SOX6: variants seen among roughly 807,000 people sequenced by gnomAD.
The protein encoded by SOX6 is transcription factor SOX-6.
In SOX6, 11 loss-of-function variants were observed where a neutral mutation model predicts 97.8. The observed-to-expected ratio is 0.11, with a 90% confidence interval of 0.07 to 0.19. The LOEUF (loss-of-function observed/expected upper bound fraction) is 0.19. Among genes scored for constraint, SOX6 ranks in the 10% least tolerant of loss-of-function variants. The pLI, the probability that SOX6 is intolerant of heterozygous loss-of-function variation, is 1.00. For missense variants in SOX6, 810 were observed against 1,039.5 expected, an observed-to-expected ratio of 0.78 and a Z score of 3.04; for synonymous variants, 360 against 371.4, an observed-to-expected ratio of 0.97 and a Z score of 0.35.
intron 3 of SOX6, among the ~76,000 whole-genome samples, chr11:16,299,259 G>A (rs149770838): frequency 5.3e-5 from 8 of 152,126 alleles, no homozygotes; most frequent in Admixed American, 1.3e-4. Context: ...TCTGCACTTC[G>A]TGTCTTTAAA....
chr11:16,048,291 A>G (rs1185947421), intron 11 of SOX6, among the ~76,000 whole-genome samples: 2 of 152,158 alleles, frequency 1.3e-5, no homozygotes, highest in Non-Finnish European at 2.9e-5. Context: ...GATATCACTA[A>G]CTTGGCATGA....
intron 4 of SOX6, among the ~76,000 whole-genome samples, chr11:16,583,585 ATATATATGTATATATGTG>A (rs1848050880): frequency 2.0e-5 from 2 of 102,000 alleles, no homozygotes; most frequent in Non-Finnish European, 3.7e-5. Context: ...TTGTGTATAT[ATATATATGTATATATGTG>A]TATATATATA....
intron 2 of SOX6, among the ~76,000 whole-genome samples, chr11:16,337,720 G>T (rs1856506057): frequency 6.6e-6 from 1 of 152,008 alleles, no homozygotes; most frequent in Non-Finnish European, 1.5e-5. Flanking sequence ...TCAACAATTT[G>T]GTGTGTATAA....
chr11:16,511,838 G>A (rs111408617), intron 4 of SOX6, among the ~76,000 whole-genome samples: 1 of 152,058 alleles, frequency 6.6e-6, no homozygotes, highest in Admixed American at 6.6e-5. Flanking sequence ...GTTTTTCTTA[G>A]AGCAGATGTC....
rs182206812 is a variant in SOX6, at chr11:16,134,493, T to A, written c.778-22570A>T. Among the ~76,000 whole-genome samples, 34 of 152,342 alleles carry A rather than the reference T, an allele frequency of 2.2e-4. 1 individual carries two copies. The highest frequency in any genetic ancestry group is 6.2e-4 in the South Asian group (3 of 4,832). On this transcript the variant is annotated intron_variant, in intron 6 of 15. Transcript: ENST00000683767. Reference sequence around the variant, plus strand: ...TTTATTGCACTTCACAGGTAATGTGTTTTTACAAATTGAAGGTTTGTGGCA... The same window carrying A: ...TTTATTGCACTTCACAGGTAATGTGATTTTACAAATTGAAGGTTTGTGGCA...
At chr11:16,590,026 C>G in intron 4 of SOX6, among the ~76,000 whole-genome samples, 1 of 152,196 alleles carries the variant, frequency 6.6e-6, no homozygotes, top group South Asian at 2.1e-4. Flanking sequence ...AATATGACAA[C>G]AAACGTAAAT....
chr11:16,647,043 C>T (rs1020658156), intron 3 of SOX6, among the ~76,000 whole-genome samples: 1 of 152,164 alleles, frequency 6.6e-6, no homozygotes, highest in Admixed American at 6.6e-5. Flanking sequence ...TCCACACCAA[C>T]ATTTATTATT....
intron 1 of SOX6, among the ~76,000 whole-genome samples, chr11:16,473,402 C>G (rs1207619390): frequency 6.6e-6 from 1 of 152,140 alleles, no homozygotes; most frequent in Non-Finnish European, 1.5e-5. Context: ...ATTAAAAATA[C>G]TTTATTGCTA....
In SOX6 at chr11:16,009,411, T is replaced by A. The variant is rs192528392; in HGVS notation, c.1732+5531A>T. On this transcript the variant is annotated intron_variant, in intron 13 of 15. Transcript: ENST00000683767. ...TTGTCAAGGATGGAACAACCAGAATTTAAGTCTTCTAGCCCTTAAGCAAAT... is the reference window on the plus strand; with the variant it reads ...TTGTCAAGGATGGAACAACCAGAATATAAGTCTTCTAGCCCTTAAGCAAAT... Among the ~76,000 whole-genome samples the A allele has an allele frequency of 1.1e-4, 17 of 152,134 alleles. No individual in the cohort carries two copies. In the East Asian group the frequency reaches 3.3e-3, roughly 30 times the overall value.
At chr11:16,022,422 T>G (rs1855093772) in intron 12 of SOX6, among the ~76,000 whole-genome samples, 1 of 150,036 alleles carries the variant, frequency 6.7e-6, no homozygotes, top group African/African-American at 2.5e-5. Context: ...TCTCTTTCTC[T>G]CTTTCTTTTG....
At chr11:16,421,883 C>A (rs1469284369) in intron 1 of SOX6, among the ~76,000 whole-genome samples, 2 of 152,202 alleles carry the variant, frequency 1.3e-5, no homozygotes, top group East Asian at 3.8e-4. Context: ...TTCCAACCAT[C>A]TGCATTAAAT....
intron 4 of SOX6, among the ~76,000 whole-genome samples, chr11:16,214,227 A>C (rs1335216959): frequency 6.6e-6 from 1 of 152,090 alleles, no homozygotes; most frequent in Non-Finnish European, 1.5e-5. Context: ...AGTCTAGAAA[A>C]TTTTTCCTTC....
At chr11:16,317,930 G>C (rs1246830724) in intron 3 of SOX6, 3 of 450,756 alleles carry the variant, frequency 6.7e-6, no homozygotes, top group East Asian at 1.4e-4. Context: ...TGTTGCAAGA[G>C]ATGTCATGTA....
chr11:16,684,635 AC>A, intron 3 of SOX6, among the ~76,000 whole-genome samples: 1 of 152,224 alleles, frequency 6.6e-6, no homozygotes, highest in East Asian at 1.9e-4. Flanking sequence ...AATGTAAATG[AC>A]AAGTTGATGG....
chr11:16,705,353 G>A (rs538083579), intron 3 of SOX6, among the ~76,000 whole-genome samples: 1 of 152,206 alleles, frequency 6.6e-6, no homozygotes, highest in African/African-American at 2.4e-5. Context: ...GACCAGGTGT[G>A]GTAGCTCACA....
chr11:16,065,774 C>T (rs1247487018), intron 9 of SOX6, among the ~76,000 whole-genome samples: 2 of 152,078 alleles, frequency 1.3e-5, no homozygotes, highest in African/African-American at 4.8e-5. Context: ...GAATTAAAAA[C>T]TTAATTCTTA....
At chr11:16,541,557 A>C (rs1861409070) in intron 4 of SOX6, among the ~76,000 whole-genome samples, 1 of 152,230 alleles carries the variant, frequency 6.6e-6, no homozygotes, top group Non-Finnish European at 1.5e-5. Flanking sequence ...AAATTTTTGC[A>C]ATCTACCCAT....
At chr11:16,560,473 A>G (rs1486280559) in intron 4 of SOX6, among the ~76,000 whole-genome samples, 2 of 149,900 alleles carry the variant, frequency 1.3e-5, no homozygotes, top group African/African-American at 5.0e-5. Context: ...GTTTATACGT[A>G]CATATATGTT....
chr11:16,378,072 T>C (rs1442056939), intron 1 of SOX6, among the ~76,000 whole-genome samples: 1 of 152,198 alleles, frequency 6.6e-6, no homozygotes, highest in East Asian at 1.9e-4. Flanking sequence ...ATGTTAAATA[T>C]GTTCATTAAA....
Sources: allele counts gnomAD v4.1 joint callset (sites outside exome capture counted in the v4.1 genomes callset), GRCh38; gene constraint gnomAD v4.1.1; transcripts MANE v1.5; gene names NCBI Gene and HGNC (gene_info 2026-07-23, HGNC 2026-07-21).